TGFBRAP1: variants seen among roughly 807,000 people sequenced by gnomAD.
TGFBRAP1 encodes transforming growth factor beta receptor associated protein 1.
TGFBRAP1 carries 20 observed loss-of-function variants against 83.2 expected under a neutral mutation model. The observed-to-expected ratio is 0.24, with a 90% confidence interval of 0.17 to 0.35. The LOEUF (loss-of-function observed/expected upper bound fraction) is 0.35. Ranked by LOEUF, TGFBRAP1 falls within the 10% of genes least tolerant of loss-of-function variation. The pLI is 1.00. For synonymous variants in TGFBRAP1, 415 were observed against 459.8 expected, an observed-to-expected ratio of 0.90 and a Z score of 1.25; for missense variants, 950 against 1,099.4, an observed-to-expected ratio of 0.86 and a Z score of 1.92.
the TGFBRAP1 span, among the ~76,000 whole-genome samples, chr2:105,258,013 G>A: frequency 6.6e-6 from 1 of 152,218 alleles, no homozygotes; most frequent in Admixed American, 6.5e-5. Flanking sequence ...TGAATGAATG[G>A]AAAATGGAAA....
chr2:105,258,446 G>T, the TGFBRAP1 span, among the ~76,000 whole-genome samples: 1 of 152,060 alleles, frequency 6.6e-6, no homozygotes, highest in African/African-American at 2.4e-5. Context: ...GAATAGAACA[G>T]AAGGCAGAGG....
At chr2:105,250,967 C>T in the TGFBRAP1 span, among the ~76,000 whole-genome samples, 52 of 152,364 alleles carry the variant, frequency 3.4e-4, no homozygotes, top group Middle Eastern at 3.4e-3. Context: ...TCAATGGTGC[C>T]CAGGCTGGAG....
chr2:105,324,698 G>C (rs1679173081), intron 1 of TGFBRAP1, among the ~76,000 whole-genome samples: 1 of 152,144 alleles, frequency 6.6e-6, no homozygotes, highest in Admixed American at 6.5e-5. Flanking sequence ...GCTGAGATTG[G>C]GTTGGGGTGA....
In TGFBRAP1 at chr2:105,266,973, T is replaced by C. The variant is rs144730650; in HGVS notation, c.*410A>G. On this transcript the variant is annotated 3_prime_UTR_variant, in exon 12 of 12. Transcript: ENST00000393359. ...GAGAGGACTTTGTCGCCAGCCATGG[T>C]GAAGCCACGTTTCCAGTGCAAACAT... is the stretch of plus-strand genomic sequence containing the variant. 3.6e-3 allele frequency: 595 copies of C among 164,270 alleles called. 6 individuals carry two copies. The highest frequency in any genetic ancestry group is 0.013 in the African/African-American group (561 of 41,836). 10.2% of individuals were successfully genotyped at this position (164,270 alleles called of 1,614,324 possible). A position where few individuals can be genotyped will look rare whatever the true frequency, so the allele number is the denominator to read the frequency against.
chr2:105,288,367 T>C (rs527368706), intron 4 of TGFBRAP1, among the ~76,000 whole-genome samples: 5 of 152,138 alleles, frequency 3.3e-5, no homozygotes, highest in Non-Finnish European at 7.4e-5. Flanking sequence ...TCCAGGGCTC[T>C]CGGCTATGGC....
chr2:105,314,936 C>A (rs1410080002), intron 1 of TGFBRAP1, among the ~76,000 whole-genome samples: 1 of 131,190 alleles, frequency 7.6e-6, no homozygotes, highest in Non-Finnish European at 1.6e-5. Context: ...GGCAACAGAG[C>A]GAGACTCTGT....
At chr2:105,249,809 C>T in the TGFBRAP1 span, 1 of 152,200 alleles carries the variant, frequency 6.6e-6, no homozygotes, top group Admixed American at 6.5e-5. Flanking sequence ...GGGAGCACCA[C>T]AGAGTATGCG....
chr2:105,304,918 G>A (rs562096283), intron 2 of TGFBRAP1, among the ~76,000 whole-genome samples: 17 of 152,282 alleles, frequency 1.1e-4, no homozygotes, highest in African/African-American at 3.1e-4. Flanking sequence ...AAAGATCAGC[G>A]GTTGCTGGGG....
chr2:105,256,036 C>A, the TGFBRAP1 span, among the ~76,000 whole-genome samples: 1 of 152,180 alleles, frequency 6.6e-6, no homozygotes, highest in Non-Finnish European at 1.5e-5. Flanking sequence ...TTAATACTCT[C>A]TATTTTAAAG....
At chr2:105,271,650 C>G (rs114094723) in intron 10 of TGFBRAP1, among the ~76,000 whole-genome samples, 5 of 152,370 alleles carry the variant, frequency 3.3e-5, no homozygotes, top group Admixed American at 1.3e-4. Flanking sequence ...ACAGGCCTCA[C>G]TTCACAGGGT....
At chr2:105,290,465 A>T (rs1269436971) in intron 4 of TGFBRAP1, among the ~76,000 whole-genome samples, 1 of 152,088 alleles carries the variant, frequency 6.6e-6, no homozygotes, top group Non-Finnish European at 1.5e-5. Context: ...GATATTAGAG[A>T]AATTAGCCCT....
chr2:105,295,356 A>AG (rs1300257742), intron 4 of TGFBRAP1, among the ~76,000 whole-genome samples: 1 of 152,220 alleles, frequency 6.6e-6, no homozygotes, highest in Non-Finnish European at 1.5e-5. Context: ...ATTCATACAA[A>AG]GCACACATAC....
intron 1 of TGFBRAP1, among the ~76,000 whole-genome samples, chr2:105,328,346 C>A (rs918720756): frequency 1.1e-4 from 16 of 152,172 alleles, no homozygotes; most frequent in African/African-American, 3.9e-4. Context: ...GTACTCCAGG[C>A]AGCGTTTTGC....
intron 4 of TGFBRAP1, 37 bp from the exon 5 acceptor site, chr2:105,284,435 T>G (rs562682503): frequency 6.3e-7 from 1 of 1,590,614 alleles, no homozygotes; most frequent in Admixed American, 1.7e-5. Context: ...TTAGTGAATC[T>G]TGAAACCATC....
At chr2:105,268,071 A>C (rs1558809767) in intron 11 of TGFBRAP1, among the ~76,000 whole-genome samples, 1 of 152,214 alleles carries the variant, frequency 6.6e-6, no homozygotes, top group South Asian at 2.1e-4. Flanking sequence ...GGTGAAACTG[A>C]GTCTTAATGC....
chr2:105,299,385 C>G (rs1464747909), intron 2 of TGFBRAP1, among the ~76,000 whole-genome samples: 1 of 152,084 alleles, frequency 6.6e-6, no homozygotes, highest in Non-Finnish European at 1.5e-5. Flanking sequence ...GACAAAGTGA[C>G]TTTCAAATAG....
chr2:105,269,004 T>C lies in TGFBRAP1; in HGVS notation c.2406+268A>G, dbSNP rs1677046946. Reference sequence around the variant, plus strand: ...GCACATGCTGGGTAAGCGCCTGATATTCTGATGCTGCTCTCCTCCCTACAG... The same window carrying C: ...GCACATGCTGGGTAAGCGCCTGATACTCTGATGCTGCTCTCCTCCCTACAG... On this transcript the variant is annotated intron_variant, in intron 11 of 11. Coordinates refer to ENST00000393359, the MANE Select transcript of TGFBRAP1 (RefSeq NM_004257.6). The surrounding 1 kb of genome is among the most constrained non-coding windows in gnomAD (Gnocchi z 4.1). Among the ~76,000 whole-genome samples the C allele has an allele frequency of 6.6e-6, 1 of 152,232 alleles. No individual in the cohort carries two copies. The highest frequency in any genetic ancestry group is 1.5e-5 in the Non-Finnish European group (1 of 68,046).
downstream of TGFBRAP1, among the ~76,000 whole-genome samples, chr2:105,261,360 T>A (rs999713808): frequency 6.6e-6 from 1 of 152,136 alleles, no homozygotes; most frequent in Non-Finnish European, 1.5e-5. Context: ...TGCACACACA[T>A]GGATTCCGAA....
chr2:105,313,832 T>G (rs914305550), intron 1 of TGFBRAP1, among the ~76,000 whole-genome samples: 9 of 151,902 alleles, frequency 5.9e-5, no homozygotes, highest in Non-Finnish European at 1.3e-4. Context: ...GAAAAAGCAT[T>G]AAATAAAATA....
Sources: allele counts gnomAD v4.1 joint callset (sites outside exome capture counted in the v4.1 genomes callset), GRCh38; gene constraint gnomAD v4.1.1; non-coding constraint Gnocchi (gnomAD v3.1); transcripts MANE v1.5; gene names NCBI Gene and HGNC (gene_info 2026-07-23, HGNC 2026-07-21).